Variants in DCAF8L2 observed in about 807,000 individuals in gnomAD.
The protein encoded by DCAF8L2 is DDB1 and CUL4 associated factor 8 like 2.
For synonymous variants in DCAF8L2, 200 were observed against 190.9 expected (o/e 1.05, Z -0.39); for missense variants, 430 against 490.7 (o/e 0.88, Z 1.17).
chrX:27,630,325 A>G (rs1035748511), intron 1 of DCAF8L2, among the ~76,000 whole-genome samples: 30 of 112,011 alleles, frequency 2.7e-4, no homozygotes, highest in Non-Finnish European at 3.4e-4. Flanking sequence ...AATTATGAAG[A>G]CGTAAAAATC....
chrX:27,709,646 A>T (rs945187717), intron 3 of DCAF8L2, among the ~76,000 whole-genome samples: 1 of 111,757 alleles, frequency 8.9e-6, no homozygotes, highest in African/African-American at 3.3e-5. Flanking sequence ...AGCAAATCTT[A>T]ATTCCATCTA....
intron 1 of DCAF8L2, among the ~76,000 whole-genome samples, chrX:27,631,126 C>T (rs951159659): frequency 5.4e-5 from 6 of 110,998 alleles, no homozygotes; most frequent in Admixed American, 9.6e-5. Context: ...CCAACGTTAA[C>T]GAAATTAATA....
chrX:27,630,686 A>G (rs1569165951), intron 1 of DCAF8L2, among the ~76,000 whole-genome samples: 2 of 112,226 alleles, frequency 1.8e-5, no homozygotes, highest in African/African-American at 6.5e-5. Flanking sequence ...AGTGGGGTTT[A>G]TTCATCATAG....
At chrX:27,606,660 C>T (rs182632603) in intron 1 of DCAF8L2, among the ~76,000 whole-genome samples, 389 of 108,683 alleles carry the variant, frequency 3.6e-3, no homozygotes, top group African/African-American at 0.012. Context: ...CGTGAGCCAC[C>T]GTGCCTGGCC....
At chrX:27,488,067 A>G in the DCAF8L2 span, among the ~76,000 whole-genome samples, 5 of 111,946 alleles carry the variant, frequency 4.5e-5, no homozygotes, top group African/African-American at 6.5e-5. Flanking sequence ...TTATGAATCA[A>G]TTTTCCAAAC....
At chrX:27,602,224 G>A (rs924428122) in intron 1 of DCAF8L2, among the ~76,000 whole-genome samples, 8 of 110,377 alleles carry the variant, frequency 7.2e-5, no homozygotes, top group South Asian at 7.7e-4. Flanking sequence ...TAGTAGAGAC[G>A]GGGTTTCTCC....
At chrX:27,546,208 A>G in the DCAF8L2 span, among the ~76,000 whole-genome samples, 1 of 112,274 alleles carries the variant, frequency 8.9e-6, no homozygotes. Context: ...CCAGCAGGGC[A>G]ATCATTTAAA....
At chrX:27,630,529 A>AT (rs57200228) in intron 1 of DCAF8L2, among the ~76,000 whole-genome samples, 20,044 of 111,015 alleles carry the variant, frequency 0.18, 1,452 homozygotes, top group East Asian at 0.4. Context: ...TGATACCATC[A>AT]TTACATAATA....
the DCAF8L2 span, among the ~76,000 whole-genome samples, chrX:27,477,802 A>G: frequency 6.3e-5 from 7 of 111,866 alleles, no homozygotes; most frequent in African/African-American, 2.3e-4. Context: ...AGTAATGCGA[A>G]ATGAGAGGGG....
chrX:27,583,693 G>A, the DCAF8L2 span, among the ~76,000 whole-genome samples: 3 of 110,963 alleles, frequency 2.7e-5, no homozygotes, highest in African/African-American at 9.8e-5. Flanking sequence ...GATTCTCATT[G>A]GAGCACAAAC....
chrX:27,486,076 G>A, the DCAF8L2 span, among the ~76,000 whole-genome samples: 2 of 106,639 alleles, frequency 1.9e-5, no homozygotes, highest in Admixed American at 2.0e-4. Context: ...CACCATCTCG[G>A]CTCACTGCAA....
the DCAF8L2 span, among the ~76,000 whole-genome samples, chrX:27,527,990 AATT>A: frequency 1.1e-3 from 42 of 36,983 alleles, no homozygotes; most frequent in Middle Eastern, 0.01. Context: ...TAATTTAATT[AATT>A]ATTAAATTAA....
chrX:27,634,957 TAC>T (rs571012816), intron 2 of DCAF8L2, among the ~76,000 whole-genome samples: 102 of 99,292 alleles, frequency 1.0e-3, no homozygotes, highest in Admixed American at 1.8e-3. Context: ...ACCATGTATA[TAC>T]ACACACACAC....
chrX:27,699,040 G>T (rs1333602200), intron 3 of DCAF8L2, among the ~76,000 whole-genome samples: 1 of 111,664 alleles, frequency 9.0e-6, no homozygotes, highest in Non-Finnish European at 1.9e-5. Flanking sequence ...AAACAAAAAA[G>T]CCATGGTGAT....
At chrX:27,553,823 T>G in the DCAF8L2 span, among the ~76,000 whole-genome samples, 233 of 112,431 alleles carry the variant, frequency 2.1e-3, no homozygotes, top group African/African-American at 7.2e-3. Context: ...TCCATGCTAT[T>G]TATTTTTAGT....
chrX:27,556,527 T>A, the DCAF8L2 span, among the ~76,000 whole-genome samples: 1 of 112,100 alleles, frequency 8.9e-6, no homozygotes, highest in Non-Finnish European at 1.9e-5. Flanking sequence ...TGTTTGTGGA[T>A]TATTTCCAAA....
Position 27,606,250 on chromosome X carries a change from TTATA to T in DCAF8L2, c.-342+15825_-342+15828del, listed in dbSNP as rs760094249. Reference sequence around the variant, plus strand: ...ATACAAATATATATATATATAGGAATTATATATATATATATATAGGAATTATATA... The same window carrying T: ...ATACAAATATATATATATATAGGAATTATATATATATATAGGAATTATATA... On this transcript the variant is annotated intron_variant, in intron 1 of 4. Transcript: ENST00000451261. Among the ~76,000 whole-genome samples the T allele has an allele frequency of 1.1e-4, 9 of 84,283 alleles. 1 individual carries two copies. The highest frequency in any genetic ancestry group is 3.5e-4 in the East Asian group (1 of 2,870). 73.2% of individuals were successfully genotyped at this position (84,283 alleles called of 115,157 possible). A position where few individuals can be genotyped will look rare whatever the true frequency, so the allele number is the denominator to read the frequency against.
At chrX:27,511,170 G>A in the DCAF8L2 span, among the ~76,000 whole-genome samples, 1 of 111,193 alleles carries the variant, frequency 9.0e-6, no homozygotes, top group Non-Finnish European at 1.9e-5. Flanking sequence ...GTCAATTACT[G>A]TCATTTTACA....
intron 1 of DCAF8L2, among the ~76,000 whole-genome samples, chrX:27,592,718 T>C (rs1336529792): frequency 5.4e-5 from 6 of 110,676 alleles, no homozygotes; most frequent in African/African-American, 2.0e-4. Flanking sequence ...ATTACAGGTG[T>C]GAGCCACCAC....
Sources: gnomAD v4.1 joint callset for allele counts (sites outside exome capture counted in the v4.1 genomes callset) on GRCh38, gnomAD v4.1.1 for gene constraint, MANE v1.5 for transcripts, NCBI Gene and HGNC (gene_info 2026-07-23, HGNC 2026-07-21) for gene names.